Variants in ATMIN observed in about 807,000 individuals in gnomAD.
ATMIN encodes the protein ATM interactor.
A neutral mutation model predicts 49.2 loss-of-function variants in ATMIN; 24 were observed. The observed-to-expected ratio is 0.49, with a 90% CI of 0.35 to 0.69. The LOEUF (loss-of-function observed/expected upper bound fraction) is 0.69. Among genes scored for constraint, ATMIN ranks in the 30% least tolerant of loss-of-function variants. The pLI, the probability that ATMIN is intolerant of heterozygous loss-of-function variation, is 0.00. For missense variants in ATMIN, 1,037 were observed against 1,005.5 expected, an observed-to-expected ratio of 1.03 and a Z score of -0.42; for synonymous variants, 450 against 392.5, an observed-to-expected ratio of 1.15 and a Z score of -1.73.
In ATMIN at chr16:81,036,396, C is replaced by T. The variant is rs1457438280; in HGVS notation, c.336+190C>T. Reference sequence around the variant, plus strand: ...CTCGCGGCAGGCGCCGCAGGTGCGGCCTCTGGGGGGGAGGAGGAGCTGGGA... The same window carrying T: ...CTCGCGGCAGGCGCCGCAGGTGCGGTCTCTGGGGGGGAGGAGGAGCTGGGA... On this transcript the variant is annotated intron_variant, in intron 1 of 3. Coordinates refer to ENST00000299575, the MANE Select transcript of ATMIN (RefSeq NM_015251.3). 2.6e-5 allele frequency among the ~76,000 whole-genome samples: 4 copies of T among 152,054 alleles called. No homozygotes were observed. The East Asian group carries it at 7.8e-4, about 30-fold the overall frequency.
intron 3 of ATMIN, 143 bp from the exon 4 acceptor site, chr16:81,043,018 C>G (rs192387944): frequency 9.8e-6 from 10 of 1,022,422 alleles, no homozygotes; most frequent in Non-Finnish European, 1.4e-5. Flanking sequence ...CCCAGAGTTG[C>G]GAAAGAATGG....
Position 81,046,002 on chromosome 16 carries a change from C to G in ATMIN, c.*1032C>G, listed in dbSNP as rs1971112430. ...CAAAAAAAAAAAAAGTCGCCAGCAA[C>G]AAGCACGTAGTGTAGTGTTCCTGCT... On this transcript the variant is annotated 3_prime_UTR_variant, in exon 4 of 4. Transcript: ENST00000299575. The G allele has an allele frequency of 1.3e-5, 2 of 150,044 alleles. No individual in the cohort carries two copies. The highest frequency in any genetic ancestry group is 2.4e-5 in the African/African-American group (1 of 40,946). The allele number at this position is 150,044 out of a possible 1,614,324, so 9.3% of individuals were successfully genotyped here. A position where few individuals can be genotyped will look rare whatever the true frequency, so the allele number is the denominator to read the frequency against.
At chr16:81,042,188 G>A in intron 2 of ATMIN, 93 bp from the exon 3 acceptor site, 1 of 1,105,494 alleles carries the variant, frequency 9.0e-7, no homozygotes, top group Non-Finnish European at 1.4e-6. Context: ...TATTAATAGT[G>A]TAAAATCATT....
At position 81,042,425 on chromosome 16, in the gene ATMIN, A is replaced by G. The variant is rs1224752721; in HGVS notation, c.607A>G (p.Thr203Ala). The G allele has an allele frequency of 1.4e-5, 23 of 1,614,216 alleles. No homozygotes were observed. In the East Asian group the frequency reaches 5.1e-4, roughly 36 times the overall value. ...ATGCGGCTGTCCCTACGCCAGTAGA[A>G]CAGCACTGCAGTCTCACATCTACCG... ...CTCGCPYASR[T>A]ALQSHIYRTG... Residue 203 changes from threonine to alanine, a missense_variant, in exon 3 of 4, where the codon ACA becomes GCA. Coordinates refer to ENST00000299575, the MANE Select transcript of ATMIN (RefSeq NM_015251.3).
rs148048932 is a variant in ATMIN at position 81,038,236 on chromosome 16, G to T, written c.336+2030G>T. On this transcript the variant is annotated intron_variant, in intron 1 of 3. Transcript: ENST00000299575. ...ACCTCTGCCTCCCAGGTTCAAGCGA[G>T]TCTCCTGCCTCAGCCTCCCTAGTAG... is the stretch of plus-strand genomic sequence containing the variant. Among the ~76,000 whole-genome samples the T allele has an allele frequency of 8.8e-3, 1,329 of 151,128 alleles. 20 individuals are homozygous for T. Among genetic ancestry groups the T allele is most frequent in the African/African-American group, 0.031 (1,264 of 41,202 alleles).
At chr16:81,038,785 C>T (rs2151737812) in intron 1 of ATMIN, among the ~76,000 whole-genome samples, 1 of 152,206 alleles carries the variant, frequency 6.6e-6, no homozygotes, top group Non-Finnish European at 1.5e-5. Context: ...CATGCCCTGC[C>T]TCAAACATTG....
chr16:81,041,466 T>G lies in ATMIN; in HGVS notation c.447T>G (p.Phe149Leu). Reference protein sequence around the residue: ...PRGPERPFSQFSLVKQHFMKM... With the variant: ...PRGPERPFSQLSLVKQHFMKM... ...GCCCTGAGAGACCGTTTTCTCAGTT[T>G]TCTCTCGTAAAACAGGTACTCTCTA... is the stretch of plus-strand genomic sequence containing the variant. Residue 149 changes from phenylalanine to leucine, a missense_variant, in exon 2 of 4, where the codon TTT (phenylalanine) becomes TTG (leucine). Coordinates refer to ENST00000299575, the MANE Select transcript of ATMIN (RefSeq NM_015251.3). 3 of 1,608,600 alleles carry G rather than the reference T, an allele frequency of 1.9e-6. No individual in the cohort carries two copies. The highest frequency in any genetic ancestry group is 2.5e-6 in the Non-Finnish European group (3 of 1,178,780).
chr16:81,044,122 G>C lies in ATMIN; in HGVS notation c.1624G>C (p.Val542Leu), dbSNP rs1239195762. The C allele has an allele frequency of 1.2e-6, 2 of 1,614,186 alleles. No individual in the cohort carries two copies. Among genetic ancestry groups the C allele is most frequent in the Non-Finnish European group, 8.5e-7 (1 of 1,180,034 alleles). ...IISNSLVAET[V>L]THSLLPQNEP... The stretch of plus-strand genomic sequence containing the variant: ...AAGCAACAGTTTAGTAGCAGAGACA[G>C]TAACTCATAGTTTGTTACCTCAGAA... Residue 542 changes from valine to leucine, a missense_variant, in exon 4 of 4, where the codon GTA becomes CTA. Physicochemically the swap from Val to Leu is conservative, Grantham distance 32. Transcript: ENST00000299575.
chr16:81,036,300 CGCCCT>C, intron 1 of ATMIN, 94 bp downstream of exon 1: 1 of 1,062,576 alleles, frequency 9.4e-7, no homozygotes, highest in Non-Finnish European at 1.1e-6. Flanking sequence ...GGGGGACGAG[CGCCCT>C]GCGCGCTGCC....
chr16:81,046,691 C>T lies in ATMIN; in HGVS notation c.*1721C>T, dbSNP rs1165682435. The T allele has an allele frequency of 1.3e-5, 2 of 151,050 alleles. No individual in the cohort carries two copies. The highest frequency in any genetic ancestry group is 4.9e-5 in the African/African-American group (2 of 41,032). 9.4% of individuals were successfully genotyped at this position (151,050 alleles called of 1,614,324 possible). A position where few individuals can be genotyped will look rare whatever the true frequency, so the allele number is the denominator to read the frequency against. Reference sequence around the variant, plus strand: ...ACACACACACACACACACACACACACGACATGCTCCTTTCTGTGGCACATG... The same window carrying T: ...ACACACACACACACACACACACACATGACATGCTCCTTTCTGTGGCACATG... On this transcript the variant is annotated 3_prime_UTR_variant, in exon 4 of 4. Coordinates refer to ENST00000299575, the MANE Select transcript of ATMIN (RefSeq NM_015251.3).
chr16:81,043,702 A>C lies in ATMIN; in HGVS notation c.1204A>C (p.Thr402Pro), dbSNP rs774457032. 1.9e-6 allele frequency: 3 copies of C among 1,614,258 alleles called. No individual in the cohort carries two copies. The highest frequency in any genetic ancestry group is 2.5e-6 in the Non-Finnish European group (3 of 1,180,050). ...TAATCCTTTACAAGAACTAGGGAAC[A>C]CGTGTCAAAAGAATAGCATTTCTTC... is the stretch of plus-strand genomic sequence containing the variant. ...PSNPLQELGNTCQKNSISSIN... is the reference protein window; with the variant it reads ...PSNPLQELGNPCQKNSISSIN... Residue 402 changes from threonine (T) to proline (P), a missense_variant, in exon 4 of 4, where the codon ACG (threonine) becomes CCG (proline). Transcript: ENST00000299575.
intron 1 of ATMIN, among the ~76,000 whole-genome samples, chr16:81,040,219 G>A (rs1295742028): frequency 6.6e-6 from 1 of 152,042 alleles, no homozygotes; most frequent in African/African-American, 2.4e-5. Flanking sequence ...CTTTCTCACT[G>A]CACTTCCATT....
At position 81,044,768 on chromosome 16, in the gene ATMIN, A is replaced by G; in HGVS notation, c.2270A>G (p.Lys757Arg). The G allele has an allele frequency of 6.2e-7, 1 of 1,614,222 alleles. No homozygotes were observed. Among genetic ancestry groups the G allele is most frequent in the East Asian group, 2.2e-5 (1 of 44,884 alleles). The change falls in exon 4 of 4, where the codon AAA (lysine) becomes AGA (arginine). Residue 757 changes from lysine (K) to arginine (R), a missense_variant. Lys to Arg is a conservative substitution (Grantham distance 26). Transcript: ENST00000299575. ...TAKNIPALES[K>R]VQLNSTETQT... The stretch of plus-strand genomic sequence containing the variant: ...AAAAATATACCTGCTCTAGAAAGCA[A>G]AGTTCAGTTGAACAGTACAGAAACA...
At chr16:81,041,574 G>C (rs1355001813) in intron 2 of ATMIN, 93 bp downstream of exon 2, 2 of 1,481,780 alleles carry the variant, frequency 1.3e-6, no homozygotes, top group African/African-American at 2.8e-5. Context: ...TGAGTAGACA[G>C]CTGCTTGTGA....
At chr16:81,043,027 G>A (rs1378935225) in intron 3 of ATMIN, 134 bp from the exon 4 acceptor site, 17 of 1,110,220 alleles carry the variant, frequency 1.5e-5, no homozygotes, top group Non-Finnish European at 2.1e-5. Context: ...GCGAAAGAAT[G>A]GATTTATCTT....
Position 81,036,081 on chromosome 16 carries a change from C to A in ATMIN, c.211C>A (p.Pro71Thr), listed in dbSNP as rs1345035297. The change falls in exon 1 of 4, where the codon CCG becomes ACG. Residue 71 changes from proline (P) to threonine (T), a missense_variant. Transcript: ENST00000299575. ...GCCGCCGGCGGGGGAGCTGATCCAG[C>A]CGTCGGTGAGCGAGCTGTCCCGGGC... ...PAPPAGELIQPSVSELSRAVR... is the reference protein window; with the variant it reads ...PAPPAGELIQTSVSELSRAVR... The A allele has an allele frequency of 7.5e-7, 1 of 1,341,872 alleles. No homozygotes were observed. The highest frequency in any genetic ancestry group is 9.7e-7 in the Non-Finnish European group (1 of 1,034,068). 83.1% of individuals were successfully genotyped at this position (1,341,872 alleles called of 1,614,324 possible).
chr16:81,041,472 C>T lies in ATMIN; in HGVS notation c.453C>T (p.Leu151=), dbSNP rs138008606. ...AGAGACCGTTTTCTCAGTTTTCTCT[C>T]GTAAAACAGGTACTCTCTACTCTGA... ...GPERPFSQFS[L]VKQHFMKMHA... is the part of the protein sequence containing the mutation. Residue 151 remains leucine (L), a synonymous_variant, in exon 2 of 4, where the codon CTC becomes CTT. Transcript: ENST00000299575. 16 of 1,607,674 alleles carry T rather than the reference C, an allele frequency of 1.0e-5. No individual in the cohort carries two copies. Among genetic ancestry groups the T allele is most frequent in the African/African-American group, 9.4e-5 (7 of 74,348 alleles).
At position 81,043,548 on chromosome 16, in the gene ATMIN, C is replaced by G. The variant is rs1189051904; in HGVS notation, c.1050C>G (p.Thr350=). The part of the protein sequence containing the change: ...AVHLMPLSVG[T]LILGLDSEAC... ...ACTTAATGCCCTTGTCAGTAGGAAC[C>G]CTGATCCTCGGCCTAGATTCAGAGG... The change falls in exon 4 of 4, where the codon ACC becomes ACG. Residue 350 remains threonine, a synonymous_variant. Transcript: ENST00000299575. The G allele has an allele frequency of 1.2e-6, 2 of 1,614,028 alleles. No individual in the cohort carries two copies. Among genetic ancestry groups the G allele is most frequent in the East Asian group, 2.2e-5 (1 of 44,878 alleles).
In ATMIN at chr16:81,044,977, C is replaced by T. The variant is rs371396539; in HGVS notation, c.*7C>T. 86 of 1,606,162 alleles carry T rather than the reference C, an allele frequency of 5.4e-5. No individual in the cohort carries two copies. Among genetic ancestry groups the T allele is most frequent in the East Asian group, 2.2e-4 (10 of 44,760 alleles). On this transcript the variant is annotated 3_prime_UTR_variant, in exon 4 of 4. Transcript: ENST00000299575. ...CACAGTCTCCAACTTCTAAAACTAA[C>T]GGTGGAGTCCATGTGTGAAATGGCA...
Sources: allele counts gnomAD v4.1 joint callset (sites outside exome capture counted in the v4.1 genomes callset), GRCh38; gene constraint gnomAD v4.1.1; transcripts MANE v1.5; gene names NCBI Gene and HGNC (gene_info 2026-07-23, HGNC 2026-07-21).